The following TRAPPC9 variants were observed in gnomAD, a reference collection of about 807,000 sequenced individuals.
The protein encoded by TRAPPC9 is trafficking protein particle complex subunit 9.
A neutral mutation model predicts 124.0 loss-of-function variants in TRAPPC9; 83 were observed. The ratio of observed to expected loss-of-function variants is 0.67; its 90% CI spans 0.56 to 0.80. The LOEUF is 0.80. Among genes scored for constraint, TRAPPC9 ranks in the 30% least tolerant of loss-of-function variants. TRAPPC9 has a pLI of 0.00. For synonymous variants in TRAPPC9, 638 were observed against 617.5 expected, an observed-to-expected ratio of 1.03 and a Z score of -0.49; for missense variants, 1,302 against 1,508.3, an observed-to-expected ratio of 0.86 and a Z score of 2.27.
intron 17 of TRAPPC9, among the ~76,000 whole-genome samples, chr8:140,198,904 G>A (rs565723070): frequency 3.3e-5 from 5 of 152,278 alleles, no homozygotes; most frequent in Admixed American, 6.5e-5. Flanking sequence ...CACATTCAAC[G>A]TGCCAGATAC....
At chr8:139,888,751 A>G (rs912016908) in intron 20 of TRAPPC9, among the ~76,000 whole-genome samples, 3 of 152,242 alleles carry the variant, frequency 2.0e-5, no homozygotes, top group Non-Finnish European at 4.4e-5. Context: ...TTACTGACAA[A>G]TACTCTGCAA....
chr8:140,171,442 A>C (rs2061961858), intron 17 of TRAPPC9, among the ~76,000 whole-genome samples: 1 of 152,232 alleles, frequency 6.6e-6, no homozygotes, highest in Non-Finnish European at 1.5e-5. Context: ...GCCACTGCTG[A>C]AGACTAAGTT....
intron 9 of TRAPPC9, among the ~76,000 whole-genome samples, chr8:140,323,672 G>GA (rs1370977487): frequency 6.6e-6 from 1 of 152,150 alleles, no homozygotes; most frequent in East Asian, 1.9e-4. Context: ...TGAGAGAACA[G>GA]AAAAAACACT....
At chr8:139,918,637 G>T (rs965622426) in intron 19 of TRAPPC9, among the ~76,000 whole-genome samples, 1 of 152,226 alleles carries the variant, frequency 6.6e-6, no homozygotes, top group African/African-American at 2.4e-5. Context: ...GGAAGTGCCC[G>T]ACATCGGGAG....
At chr8:140,169,465 CAAAT>C (rs1485604064) in intron 17 of TRAPPC9, among the ~76,000 whole-genome samples, 2 of 152,118 alleles carry the variant, frequency 1.3e-5, no homozygotes, top group Non-Finnish European at 2.9e-5. Context: ...GGCATCCAAG[CAAAT>C]ACATGCACAC....
In TRAPPC9 at chr8:140,371,195, G is replaced by A. The variant is rs2068271978; in HGVS notation, c.1135-15C>T. On this transcript the variant is annotated splice_polypyrimidine_tract_variant and intron_variant, in intron 7 of 22. Transcript: ENST00000438773. ...TCCTCAGAAAGCTGAAGCACAGAGA[G>A]AAAGTAAAAAGCTTTTGAAAGAAAC... 10 of 1,598,260 alleles carry A rather than the reference G, an allele frequency of 6.3e-6. No individual in the cohort carries two copies. Among genetic ancestry groups the A allele is most frequent in the Non-Finnish European group, 7.7e-6 (9 of 1,171,762 alleles).
In TRAPPC9 at chr8:140,394,118, G is replaced by A. The variant is rs531177673; in HGVS notation, c.1134+3502C>T. 2.6e-5 allele frequency among the ~76,000 whole-genome samples: 4 copies of A among 152,350 alleles called. No individual in the cohort carries two copies. The East Asian group carries it at 7.7e-4, about 29-fold the overall frequency. ...AAACATTTTATTTTATGAAATGTGT[G>A]TTTCTATACCCACCAGTGAAAAGAG... On this transcript the variant is annotated intron_variant, in intron 7 of 22. Transcript: ENST00000438773.
At chr8:139,848,951 G>A (rs1265386660) in intron 21 of TRAPPC9, among the ~76,000 whole-genome samples, 1 of 152,202 alleles carries the variant, frequency 6.6e-6, no homozygotes, top group Admixed American at 6.5e-5. Flanking sequence ...AAAGTTGGAT[G>A]GAATCATCTT....
chr8:140,275,607 C>A (rs2065087410), intron 15 of TRAPPC9, 51 bp downstream of exon 15: 1 of 1,574,256 alleles, frequency 6.4e-7, no homozygotes, highest in Non-Finnish European at 8.7e-7. Flanking sequence ...ATCTCTTCTA[C>A]AAGTAAACAA....
rs140639024 is a variant in TRAPPC9, at chr8:140,424,811, C to T, written c.886+1804G>A. Reference sequence around the variant, plus strand: ...GAGAGATGGAGGAGCCCCCGAAAACCGTGAAACTCTTCTTCCGGTTTTGGA... The same window carrying T: ...GAGAGATGGAGGAGCCCCCGAAAACTGTGAAACTCTTCTTCCGGTTTTGGA... On this transcript the variant is annotated intron_variant, in intron 5 of 22. Transcript: ENST00000438773. 4.1e-4 allele frequency among the ~76,000 whole-genome samples: 62 copies of T among 152,148 alleles called. 1 individual carries two copies. The highest frequency in any genetic ancestry group is 1.4e-3 in the African/African-American group (58 of 41,516).
chr8:140,443,435 C>CAA (rs77804343), intron 2 of TRAPPC9, among the ~76,000 whole-genome samples: 3 of 131,018 alleles, frequency 2.3e-5, no homozygotes, highest in Non-Finnish European at 3.3e-5. Flanking sequence ...GACTCCATCT[C>CAA]AAAAAAAAAA....
intron 10 of TRAPPC9, among the ~76,000 whole-genome samples, chr8:140,310,363 A>G (rs1055083928): frequency 6.6e-6 from 1 of 152,180 alleles, no homozygotes; most frequent in Non-Finnish European, 1.5e-5. Flanking sequence ...AAAGATACTT[A>G]GCATCTTCAT....
At chr8:139,762,275 T>A (rs558801076) in intron 21 of TRAPPC9, among the ~76,000 whole-genome samples, 3 of 152,286 alleles carry the variant, frequency 2.0e-5, no homozygotes, top group African/African-American at 7.2e-5. Flanking sequence ...AAGAATGATG[T>A]GTAATTAGCA....
chr8:140,365,143 T>C (rs753957636), intron 8 of TRAPPC9, among the ~76,000 whole-genome samples: 3 of 151,824 alleles, frequency 2.0e-5, no homozygotes, highest in Non-Finnish European at 4.4e-5. Context: ...CCACTAACAT[T>C]TGCTGAGCAC....
chr8:140,435,372 G>A lies in TRAPPC9; in HGVS notation c.731-132C>T, dbSNP rs1382750082. On this transcript the variant is annotated intron_variant, in intron 3 of 22. Transcript: ENST00000438773. ...AATGATTTAAACAGGTGGATTATTT[G>A]GAAATGCCAATTTTTCTCCCAAAAC... 7 of 1,287,892 alleles carry A rather than the reference G, an allele frequency of 5.4e-6. No individual in the cohort carries two copies. The East Asian group carries it at 1.5e-4, about 27-fold the overall frequency. 79.8% of individuals were successfully genotyped at this position (1,287,892 alleles called of 1,614,324 possible).
At chr8:140,089,495 C>A (rs1370473373) in intron 17 of TRAPPC9, among the ~76,000 whole-genome samples, 1 of 152,190 alleles carries the variant, frequency 6.6e-6, no homozygotes, top group African/African-American at 2.4e-5. Context: ...TGGCCCCATA[C>A]AAATTTATGC....
intron 21 of TRAPPC9, among the ~76,000 whole-genome samples, chr8:139,839,649 G>A (rs866392634): frequency 2.6e-5 from 4 of 152,324 alleles, no homozygotes; most frequent in South Asian, 2.1e-4. Context: ...TGCTCATGGC[G>A]CATTCCTTCT....
intron 17 of TRAPPC9, among the ~76,000 whole-genome samples, chr8:140,149,700 C>A (rs1419816402): frequency 6.6e-6 from 1 of 151,996 alleles, no homozygotes; most frequent in Non-Finnish European, 1.5e-5. Flanking sequence ...AGGATAAAAT[C>A]TCTACCACAT....
chr8:140,421,420 T>C (rs2070202960), intron 5 of TRAPPC9, among the ~76,000 whole-genome samples: 1 of 152,244 alleles, frequency 6.6e-6, no homozygotes, highest in African/African-American at 2.4e-5. Context: ...GTAACCATAA[T>C]ACGTCTAAGA....
Sources: allele counts gnomAD v4.1 joint callset (sites outside exome capture counted in the v4.1 genomes callset), GRCh38; gene constraint gnomAD v4.1.1; transcripts MANE v1.5; gene names NCBI Gene and HGNC (gene_info 2026-07-23, HGNC 2026-07-21).